Variants in ARID1B observed in about 807,000 individuals in gnomAD.
ARID1B encodes AT-rich interaction domain 1B, also known as AT-rich interactive domain-containing protein 1B.
ARID1B carries 30 observed loss-of-function variants against 212.3 expected under a neutral mutation model. The ratio of observed to expected loss-of-function variants is 0.14; its 90% CI spans 0.11 to 0.19. ARID1B has a LOEUF of 0.19. Among genes scored for constraint, ARID1B ranks in the 10% least tolerant of loss-of-function variants. ARID1B has a pLI of 1.00. For synonymous variants in ARID1B, 1,402 were observed against 1,301.7 expected (o/e 1.08, Z -1.66); for missense variants, 2,891 against 3,204.0 (o/e 0.90, Z 2.36).
chr6:157,201,321 C>T lies in ARID1B; in HGVS notation c.5096C>T (p.Pro1699Leu), dbSNP rs1455506883. 1.8e-5 allele frequency: 29 copies of T among 1,613,908 alleles called. No homozygotes were observed. The highest frequency in any genetic ancestry group is 2.2e-5 in the East Asian group (1 of 44,890). The change falls in exon 18 of 20, where the codon CCG becomes CTG. Residue 1699 changes from proline (P) to leucine (L), a missense_variant. Pro to Leu is a moderately conservative substitution (Grantham distance 98). Around this residue, in one of 7 missense-constraint regions of ARID1B, gnomAD observed 666 missense variants for 873.5 expected, o/e 0.76. Transcript: ENST00000636930. This position sits in a 1 kb window ranked among gnomAD's most constrained non-coding sequence, Gnocchi z 5.2. ...RMSPSKSPFL[P>L]SMKMQKVMPT... The stretch of plus-strand genomic sequence containing the variant: ...TCTCCAAGCAAGTCTCCTTTTCTGC[C>T]GTCTATGAAGATGCAGAAGGTCATG...
chr6:156,816,007 A>G (rs1461767298), intron 1 of ARID1B, among the ~76,000 whole-genome samples: 11 of 152,348 alleles, frequency 7.2e-5, no homozygotes. Context: ...ATGTTAATAT[A>G]TGTTATGAAT....
intron 4 of ARID1B, among the ~76,000 whole-genome samples, chr6:156,954,131 C>CTTGATCTTGGACAA (rs926090309): frequency 4.6e-5 from 7 of 151,828 alleles, no homozygotes; most frequent in Admixed American, 4.6e-4. Context: ...CCATTATCTG[C>CTTGATCTTGGACAA]TTGATCTTGG....
chr6:156,978,996 T>C (rs1777438408), intron 4 of ARID1B, among the ~76,000 whole-genome samples: 1 of 152,214 alleles, frequency 6.6e-6, no homozygotes, highest in South Asian at 2.1e-4. Flanking sequence ...TTTAATGCTA[T>C]TGAATTGCTT....
At chr6:157,089,136 A>G (rs946274954) in intron 5 of ARID1B, among the ~76,000 whole-genome samples, 4 of 152,204 alleles carry the variant, frequency 2.6e-5, no homozygotes, top group Non-Finnish European at 5.9e-5. Context: ...GATAGCTGGG[A>G]TGAAGTAAAG....
chr6:157,020,133 TAAC>T (rs1439958787), intron 4 of ARID1B, among the ~76,000 whole-genome samples: 2 of 152,324 alleles, frequency 1.3e-5, no homozygotes, highest in African/African-American at 2.4e-5. Context: ...GGAATAGACA[TAAC>T]AAGCAAATTT....
At chr6:156,876,845 C>G (rs1786600965) in intron 2 of ARID1B, among the ~76,000 whole-genome samples, 1 of 152,168 alleles carries the variant, frequency 6.6e-6, no homozygotes, top group South Asian at 2.1e-4. Flanking sequence ...CACAGATGGA[C>G]CTCAGGATGC....
chr6:157,201,402 G>A lies in ARID1B; in HGVS notation c.5177G>A (p.Arg1726Lys), dbSNP rs971931551. 2 of 1,590,254 alleles carry A rather than the reference G, an allele frequency of 1.3e-6. No homozygotes were observed. The highest frequency in any genetic ancestry group is 1.1e-5 in the South Asian group (1 of 88,080). The change falls in exon 18 of 20, where the codon AGA becomes AAA. Residue 1726 changes from arginine (R) to lysine (K), a missense_variant. Coordinates refer to ENST00000636930, the MANE Select transcript of ARID1B (RefSeq NM_001374828.1). The surrounding 1 kb of genome is among the most constrained non-coding windows in gnomAD (Gnocchi z 5.2). ...CCACCACCCCAACCACCCCCAATCA[G>A]AAGGGAGATCACCTTTCCTCCTGGC... ...TGPPPQPPPI[R>K]REITFPPGSV... is the part of the protein sequence containing the mutation.
chr6:157,057,590 G>A lies in ARID1B; in HGVS notation c.2248-27072G>A, dbSNP rs78216195. On this transcript the variant is annotated intron_variant, in intron 4 of 19. Transcript: ENST00000636930. ...AAGTGTGAGCCACCATGCTTGGCAC[G>A]TTATTTTGAATTTATCTTTGCTAAC... is the stretch of plus-strand genomic sequence containing the variant. 8.5e-3 allele frequency among the ~76,000 whole-genome samples: 1,288 copies of A among 152,178 alleles called. 23 individuals are homozygous for A. The highest frequency in any genetic ancestry group is 0.03 in the African/African-American group (1,242 of 41,522).
rs1452179013 is a variant in ARID1B, at chr6:156,778,886, C to T, written c.1206C>T (p.Gly402=). ...GCGGCGGCGGCGGAGGAGGAGGAGG[C>T]AGCGGAGGAGGAGGAGGAGGAGGAG... The part of the protein sequence containing the change: ...GGGGGGGGGG[G]SGGGGGGGGA... The change falls in exon 1 of 20, where the codon GGC becomes GGT. Residue 402 remains glycine (G), a synonymous_variant. Transcript: ENST00000636930. 3 of 1,386,536 alleles carry T rather than the reference C, an allele frequency of 2.2e-6. No homozygotes were observed. Among genetic ancestry groups the T allele is most frequent in the Non-Finnish European group, 2.8e-6 (3 of 1,068,550 alleles). The allele number at this position is 1,386,536 out of a possible 1,614,324, so 85.9% of individuals were successfully genotyped here.
intron 2 of ARID1B, among the ~76,000 whole-genome samples, chr6:156,861,622 A>G (rs78989457): frequency 0.015 from 2,343 of 152,272 alleles, 26 homozygotes; most frequent in South Asian, 0.021. Flanking sequence ...AAAAATAAAA[A>G]AATAAAAAAT....
chr6:157,153,588 G>C (rs550291687), intron 8 of ARID1B, among the ~76,000 whole-genome samples: 1 of 152,298 alleles, frequency 6.6e-6, no homozygotes, highest in East Asian at 1.9e-4. Context: ...GGAGGATTCT[G>C]AGCCATTACC....
chr6:157,152,184 G>A (rs1790247396), intron 8 of ARID1B: 1 of 152,210 alleles, frequency 6.6e-6, no homozygotes. Flanking sequence ...CAACTCCAGA[G>A]GCCTCTTTAG....
intron 2 of ARID1B, among the ~76,000 whole-genome samples, chr6:156,892,861 A>G (rs1788046950): frequency 6.6e-6 from 1 of 152,190 alleles, no homozygotes; most frequent in South Asian, 2.1e-4. Context: ...TGTACTTCTT[A>G]AAACAGAAAG....
intron 2 of ARID1B, among the ~76,000 whole-genome samples, chr6:156,882,597 G>A (rs1787187785): frequency 1.3e-5 from 2 of 152,108 alleles, no homozygotes; most frequent in South Asian, 4.1e-4. Flanking sequence ...TTTCAATCAG[G>A]AGACCAGAAA....
At chr6:157,010,278 GTTTTTTTTTTTT>G (rs367851681) in intron 4 of ARID1B, among the ~76,000 whole-genome samples, 32 of 102,238 alleles carry the variant, frequency 3.1e-4, no homozygotes, top group African/African-American at 4.7e-4. Flanking sequence ...TGCATTGCCT[GTTTTTTTTTTTT>G]TTTTTTTTTT....
chr6:157,113,364 A>G (rs1162934364), intron 6 of ARID1B, among the ~76,000 whole-genome samples: 1 of 152,230 alleles, frequency 6.6e-6, no homozygotes, highest in Non-Finnish European at 1.5e-5. Context: ...ACACTGCTAT[A>G]AAGAACTACT....
Position 157,184,314 on chromosome 6 carries a change from G to A in ARID1B, c.3798G>A (p.Lys1266=), listed in dbSNP as rs1180916109. 7.4e-6 allele frequency: 12 copies of A among 1,614,194 alleles called. No homozygotes were observed. Among genetic ancestry groups the A allele is most frequent in the Non-Finnish European group, 1.0e-5 (12 of 1,180,038 alleles). The change falls in exon 13 of 20, where the codon AAG becomes AAA. Residue 1266 remains lysine (K), a synonymous_variant. Coordinates refer to ENST00000636930, the MANE Select transcript of ARID1B (RefSeq NM_001374828.1). ...TSSSAASSLK[K]QYIQYLFAFE... Reference sequence around the variant, plus strand: ...GCAGTGCAGCGAGCTCCCTGAAAAAGCAGTATATTCAGTACCTGTTTGCCT... The same window carrying A: ...GCAGTGCAGCGAGCTCCCTGAAAAAACAGTATATTCAGTACCTGTTTGCCT...
chr6:156,945,007 C>G (rs1432750300), intron 4 of ARID1B, among the ~76,000 whole-genome samples: 1 of 150,160 alleles, frequency 6.7e-6, no homozygotes, highest in East Asian at 2.0e-4. Flanking sequence ...ACTGCAACCT[C>G]TGCCTCCCAG....
At chr6:157,012,758 G>A (rs1237634175) in intron 4 of ARID1B, among the ~76,000 whole-genome samples, 3 of 152,274 alleles carry the variant, frequency 2.0e-5, no homozygotes, top group South Asian at 2.1e-4. Context: ...TCCAGTGTTC[G>A]TTTCAGATCT....
Sources: allele counts gnomAD v4.1 joint callset (sites outside exome capture counted in the v4.1 genomes callset), GRCh38; gene constraint gnomAD v4.1.1; regional missense constraint gnomAD v4.1.1; non-coding constraint Gnocchi (gnomAD v3.1); transcripts MANE v1.5; gene names NCBI Gene and HGNC (gene_info 2026-07-23, HGNC 2026-07-21).